Variants in SORCS1 observed in about 807,000 individuals in gnomAD.
SORCS1 encodes sortilin related VPS10 domain containing receptor 1, also known as VPS10 domain-containing receptor SorCS1.
SORCS1 carries 60 observed loss-of-function variants against 146.1 expected under a neutral mutation model. The observed-to-expected ratio is 0.41, with a 90% CI of 0.33 to 0.51. The LOEUF is 0.51. Ranked by LOEUF, SORCS1 falls within the 20% of genes least tolerant of loss-of-function variation. SORCS1 has a pLI of 0.21. For synonymous variants in SORCS1, 637 were observed against 584.0 expected (o/e 1.09, Z -1.31); for missense variants, 1,352 against 1,487.6 (o/e 0.91, Z 1.50).
At chr10:106,800,377 CTGTT>C (rs1380696624) in intron 3 of SORCS1, among the ~76,000 whole-genome samples, 1 of 152,082 alleles carries the variant, frequency 6.6e-6, no homozygotes, top group East Asian at 1.9e-4. Context: ...GTTGATATCT[CTGTT>C]TAACAGAACA....
chr10:107,136,238 C>T (rs1176413880), intron 1 of SORCS1, among the ~76,000 whole-genome samples: 2 of 152,194 alleles, frequency 1.3e-5, no homozygotes, highest in Non-Finnish European at 2.9e-5. Context: ...AAAGACTTTT[C>T]ACAGGAGTGA....
chr10:107,163,210 T>C, intron 1 of SORCS1, among the ~76,000 whole-genome samples: 1 of 152,214 alleles, frequency 6.6e-6, no homozygotes, highest in East Asian at 1.9e-4. Context: ...TCTTTATTTG[T>C]GCTCTTCATT....
the SORCS1 span, among the ~76,000 whole-genome samples, chr10:107,174,807 T>C: frequency 6.6e-6 from 1 of 152,006 alleles, no homozygotes; most frequent in East Asian, 1.9e-4. Context: ...AATATGATAT[T>C]GAATAGAAAT....
chr10:106,764,977 C>T (rs1486369210), intron 4 of SORCS1, among the ~76,000 whole-genome samples: 7 of 139,498 alleles, frequency 5.0e-5, no homozygotes, highest in African/African-American at 1.6e-4. Flanking sequence ...GAGCCGAGAT[C>T]GCGCCACTGC....
At chr10:106,729,341 C>A (rs75265459) in intron 6 of SORCS1, among the ~76,000 whole-genome samples, 2,462 of 152,268 alleles carry the variant, frequency 0.016, 72 homozygotes, top group African/African-American at 0.057. Flanking sequence ...TGCAGCATAA[C>A]CACCCGGAGT....
chr10:106,984,636 GCCCA>G (rs1956387049), intron 1 of SORCS1, among the ~76,000 whole-genome samples: 5 of 151,660 alleles, frequency 3.3e-5, no homozygotes, highest in Admixed American at 6.6e-5. Context: ...CTCGTGATCC[GCCCA>G]CCTGGGTCTC....
At chr10:107,158,210 A>G (rs1411579233) in intron 1 of SORCS1, among the ~76,000 whole-genome samples, 2 of 152,218 alleles carry the variant, frequency 1.3e-5, no homozygotes, top group African/African-American at 2.4e-5. Context: ...CTCAATGACC[A>G]TAAAGGTTTT....
At chr10:106,801,576 T>G (rs1041060562) in intron 3 of SORCS1, among the ~76,000 whole-genome samples, 15 of 147,434 alleles carry the variant, frequency 1.0e-4, no homozygotes, top group Admixed American at 1.4e-4. Context: ...TCTCCCAGGC[T>G]GGAGTGCAGT....
At chr10:106,699,710 T>C (rs1589690263) in intron 8 of SORCS1, among the ~76,000 whole-genome samples, 1 of 152,122 alleles carries the variant, frequency 6.6e-6, no homozygotes, top group Non-Finnish European at 1.5e-5. Flanking sequence ...CATCCTGATA[T>C]TTTTGCCAAG....
chr10:106,911,791 G>A (rs748823078), intron 2 of SORCS1, among the ~76,000 whole-genome samples: 17 of 151,998 alleles, frequency 1.1e-4, no homozygotes, highest in Non-Finnish European at 2.1e-4. Flanking sequence ...TGGTGGAAGC[G>A]GGGGACTCAG....
At chr10:106,889,888 T>TTAAAA (rs1554875507) in intron 2 of SORCS1, among the ~76,000 whole-genome samples, 1,296 of 71,666 alleles carry the variant, frequency 0.018, 26 homozygotes, top group East Asian at 0.13. Flanking sequence ...ACGTCTCAAA[T>TTAAAA]AAAAAAAAAA....
At chr10:106,580,086 T>C (rs530583563) in intron 24 of SORCS1, among the ~76,000 whole-genome samples, 18 of 152,258 alleles carry the variant, frequency 1.2e-4, no homozygotes, top group African/African-American at 4.3e-4. Context: ...GTAGTTGTCA[T>C]GTGAGAAAAA....
chr10:107,174,443 C>G, the SORCS1 span, among the ~76,000 whole-genome samples: 187 of 152,148 alleles, frequency 1.2e-3, 1 homozygote, highest in African/African-American at 3.9e-3. Flanking sequence ...CTCCTGACCT[C>G]GTGATCCACC....
At chr10:106,706,335 G>T (rs1036699785) in intron 8 of SORCS1, among the ~76,000 whole-genome samples, 1 of 151,526 alleles carries the variant, frequency 6.6e-6, no homozygotes, top group Non-Finnish European at 1.5e-5. Flanking sequence ...AAGAGAGAGA[G>T]AGAAAGGAAG....
At chr10:106,962,157 T>C (rs1955255818) in intron 1 of SORCS1, among the ~76,000 whole-genome samples, 1 of 151,990 alleles carries the variant, frequency 6.6e-6, no homozygotes, top group South Asian at 2.1e-4. Flanking sequence ...CCCAGCAATT[T>C]GGGAGGCCGA....
chr10:106,628,551 T>C (rs1848240253), intron 19 of SORCS1, among the ~76,000 whole-genome samples: 1 of 152,242 alleles, frequency 6.6e-6, no homozygotes, highest in African/African-American at 2.4e-5. Context: ...GTTATTATTG[T>C]CTCATCATAC....
chr10:107,148,184 G>A (rs1427757087), intron 1 of SORCS1, among the ~76,000 whole-genome samples: 1 of 152,118 alleles, frequency 6.6e-6, no homozygotes, highest in Admixed American at 6.6e-5. Context: ...CTCTCAAGTT[G>A]GCATGCAGAT....
intron 3 of SORCS1, among the ~76,000 whole-genome samples, chr10:106,793,745 T>TA (rs757710171): frequency 6.6e-6 from 1 of 152,230 alleles, no homozygotes; most frequent in Non-Finnish European, 1.5e-5. Context: ...ACTTTATAGC[T>TA]ATTTCCAGCC....
intron 19 of SORCS1, among the ~76,000 whole-genome samples, chr10:106,622,216 G>A (rs1219776269): frequency 6.7e-6 from 1 of 148,314 alleles, no homozygotes; most frequent in African/African-American, 2.5e-5. Flanking sequence ...CTTGAATCCG[G>A]GAAGCAGAGG....
Sources: gnomAD v4.1 joint callset for allele counts (sites outside exome capture counted in the v4.1 genomes callset) on GRCh38, gnomAD v4.1.1 for gene constraint, MANE v1.5 for transcripts, NCBI Gene and HGNC (gene_info 2026-07-23, HGNC 2026-07-21) for gene names.